TNMD: variants seen among roughly 807,000 people sequenced by gnomAD.
TNMD encodes BRICHOS domain containing 4.
TNMD carries 15 observed loss-of-function variants against 26.9 expected under a neutral mutation model. That is an observed-to-expected ratio of 0.56 (90% CI 0.37 to 0.86). The LOEUF (loss-of-function observed/expected upper bound fraction) is 0.86. Among genes scored for constraint, TNMD ranks in the 40% least tolerant of loss-of-function variants. The pLI is 0.00. For synonymous variants in TNMD, 73 were observed against 77.0 expected (o/e 0.95, Z 0.27); for missense variants, 222 against 242.6 (o/e 0.92, Z 0.56).
chrX:100,591,803 C>A, intron 2 of TNMD, among the ~76,000 whole-genome samples: 1 of 111,766 alleles, frequency 8.9e-6, no homozygotes, highest in Non-Finnish European at 1.9e-5. Flanking sequence ...CAAAAAAACT[C>A]TTTGCAGGAA....
intron 3 of TNMD, 93 bp downstream of exon 3, chrX:100,594,128 C>T (rs971969965): frequency 6.8e-6 from 7 of 1,023,912 alleles, no homozygotes; most frequent in Middle Eastern, 5.4e-4. Context: ...AATTTGAATT[C>T]AAATGGAAAG....
At chrX:100,586,799 G>A (rs1438431742) in intron 2 of TNMD, among the ~76,000 whole-genome samples, 1 of 111,384 alleles carries the variant, frequency 9.0e-6, no homozygotes, top group Non-Finnish European at 1.9e-5. Flanking sequence ...AGGCTGGCAG[G>A]GTGGGTAAAG....
Position 100,599,066 on chromosome X carries a change from G to A in TNMD, c.628G>A (p.Ala210Thr). ...GGAGGGAGAAGATCTTCACTTTCCTGCCAACGAAAAAAAAGGGATTGAACA... is the reference window on the plus strand; with the variant it reads ...GGAGGGAGAAGATCTTCACTTTCCTACCAACGAAAAAAAAGGGATTGAACA... ...EEEGEDLHFP[A>T]NEKKGIEQNE... Residue 210 changes from alanine (A) to threonine (T), a missense_variant, in exon 6 of 7, where the codon GCC becomes ACC. Ala to Thr is a moderately conservative substitution (Grantham distance 58). Transcript: ENST00000373031. The A allele has an allele frequency of 8.3e-7, 1 of 1,206,144 alleles. No homozygotes were observed. The highest frequency in any genetic ancestry group is 1.1e-6 in the Non-Finnish European group (1 of 892,677).
chrX:100,590,078 C>T (rs2082933016), intron 2 of TNMD, among the ~76,000 whole-genome samples: 2 of 112,209 alleles, frequency 1.8e-5, no homozygotes, highest in African/African-American at 3.2e-5. Context: ...ATGCAGAACT[C>T]TAACTTTGCA....
At chrX:100,593,155 G>A (rs1487902883) in intron 2 of TNMD, among the ~76,000 whole-genome samples, 1 of 111,738 alleles carries the variant, frequency 8.9e-6, no homozygotes, top group Admixed American at 9.5e-5. Flanking sequence ...AGCCACTCAA[G>A]AAAGACCTGA....
chrX:100,588,294 A>T (rs1459587820), intron 2 of TNMD, among the ~76,000 whole-genome samples: 1 of 110,238 alleles, frequency 9.1e-6, no homozygotes, highest in African/African-American at 3.3e-5. Flanking sequence ...GCACAGACTC[A>T]CACACACACA....
At chrX:100,592,908 A>C (rs2147607840) in intron 2 of TNMD, among the ~76,000 whole-genome samples, 1 of 112,117 alleles carries the variant, frequency 8.9e-6, no homozygotes, top group African/African-American at 3.2e-5. Flanking sequence ...CGATAAACAA[A>C]GGTCTCCTAA....
In TNMD at chrX:100,597,596, CA is replaced by C. The variant is rs1458425571; in HGVS notation, c.520del (p.Ile174PhefsTer8). ...AAAACCGAGATTTTCTTAAAAATTC[CA>C]AAATTCTGGAGATTTGTGATAACGT... ...IENRDFLKNS[K>X]ILEICDNVTM... On this transcript the variant is annotated frameshift_variant, in exon 5 of 7. Coordinates refer to ENST00000373031, the MANE Select transcript of TNMD (RefSeq NM_022144.3). LOFTEE classifies it high-confidence loss of function. The C allele has an allele frequency of 8.3e-7, 1 of 1,209,307 alleles. No individual in the cohort carries two copies. The highest frequency in any genetic ancestry group is 1.7e-5 in the African/African-American group (1 of 57,151).
At chrX:100,589,929 GGGATGGGGATAAT>G (rs751736684) in intron 2 of TNMD, among the ~76,000 whole-genome samples, 29 of 111,756 alleles carry the variant, frequency 2.6e-4, no homozygotes, top group Non-Finnish European at 4.7e-4. Context: ...TTAAGAATCA[GGGATGGGGATAAT>G]GGGTAGGAGA....
chrX:100,596,981 T>C (rs1216108798), intron 4 of TNMD, among the ~76,000 whole-genome samples: 2 of 112,164 alleles, frequency 1.8e-5, no homozygotes, highest in Admixed American at 1.9e-4. Context: ...GTACTATAAC[T>C]AGCTACCATC....
At chrX:100,597,896 G>C (rs7051417) in intron 5 of TNMD, among the ~76,000 whole-genome samples, 6,647 of 111,769 alleles carry the variant, frequency 0.059, 167 homozygotes, top group Non-Finnish European at 0.071. Flanking sequence ...ACCCTAATGT[G>C]ACTAGTGATA....
chrX:100,590,318 T>C (rs1039093452), intron 2 of TNMD, among the ~76,000 whole-genome samples: 1 of 111,923 alleles, frequency 8.9e-6, no homozygotes, highest in East Asian at 2.8e-4. Context: ...AATCACAGGC[T>C]TCAAAAAACA....
At chrX:100,591,957 T>G (rs2082938990) in intron 2 of TNMD, among the ~76,000 whole-genome samples, 1 of 110,943 alleles carries the variant, frequency 9.0e-6, no homozygotes, top group Admixed American at 9.6e-5. Context: ...CACCAGTAGG[T>G]TCCATAGTCT....
chrX:100,586,530 A>G (rs2082922483), intron 2 of TNMD, among the ~76,000 whole-genome samples: 1 of 111,801 alleles, frequency 8.9e-6, no homozygotes, highest in Admixed American at 9.5e-5. Flanking sequence ...ATAAAGCATA[A>G]CCACCCTTGG....
chrX:100,588,197 A>G (rs2082927359), intron 2 of TNMD, among the ~76,000 whole-genome samples: 1 of 111,761 alleles, frequency 8.9e-6, no homozygotes, highest in Non-Finnish European at 1.9e-5. Context: ...CAAAAGATCC[A>G]GATTCCTGTA....
chrX:100,590,240 T>C (rs925256110), intron 2 of TNMD, among the ~76,000 whole-genome samples: 10 of 111,657 alleles, frequency 9.0e-5, no homozygotes, highest in Non-Finnish European at 1.7e-4. Context: ...AGCATGTATT[T>C]CACCTTTGGA....
chrX:100,597,774 G>T (rs1325415774), intron 5 of TNMD, 117 bp downstream of exon 5: 1 of 795,956 alleles, frequency 1.3e-6, no homozygotes, highest in Non-Finnish European at 1.8e-6. Flanking sequence ...TATCTTCTTG[G>T]ATGAGTCTAT....
At chrX:100,592,718 C>T (rs912084107) in intron 2 of TNMD, among the ~76,000 whole-genome samples, 5 of 112,297 alleles carry the variant, frequency 4.5e-5, no homozygotes, top group African/African-American at 1.6e-4. Flanking sequence ...GTTAAACTAA[C>T]ATTCAGTCAA....
chrX:100,596,519 T>A (rs1051314091), intron 4 of TNMD, among the ~76,000 whole-genome samples: 1 of 111,496 alleles, frequency 9.0e-6, no homozygotes, highest in Non-Finnish European at 1.9e-5. Flanking sequence ...TTTTTTTTAA[T>A]GAGACAAATT....
Sources: allele counts gnomAD v4.1 joint callset (sites outside exome capture counted in the v4.1 genomes callset), GRCh38; gene constraint gnomAD v4.1.1; transcripts MANE v1.5; gene names NCBI Gene and HGNC (gene_info 2026-07-23, HGNC 2026-07-21).